SLC25A13: variants seen among roughly 807,000 people sequenced by gnomAD.
SLC25A13 encodes the protein electrogenic aspartate/glutamate antiporter SLC25A13, mitochondrial.
Under a neutral mutation model 85.5 loss-of-function variants are expected in SLC25A13, and 70 were observed. The ratio of observed to expected loss-of-function variants is 0.82; its 90% CI spans 0.68 to 1.00. The LOEUF (loss-of-function observed/expected upper bound fraction) is 1.00. Among genes scored for constraint, SLC25A13 ranks in the 50% least tolerant of loss-of-function variants. SLC25A13 has a pLI of 0.00. For synonymous variants in SLC25A13, 259 were observed against 288.7 expected (o/e 0.90, Z 1.04); for missense variants, 765 against 819.8 (o/e 0.93, Z 0.82).
In SLC25A13 at chr7:96,140,694, C is replaced by T. The variant is rs1251012147; in HGVS notation, c.1452+5862G>A. On this transcript the variant is annotated intron_variant, in intron 14 of 17. Transcript: ENST00000265631. Reference sequence around the variant, plus strand: ...CTGGGATTACAGGCGTCAGGCACCGCGCCTGGCCTACCACCAAAGATTTCA... The same window carrying T: ...CTGGGATTACAGGCGTCAGGCACCGTGCCTGGCCTACCACCAAAGATTTCA... Among the ~76,000 whole-genome samples the T allele has an allele frequency of 7.2e-5, 11 of 152,012 alleles. No homozygotes were observed. In the East Asian group the frequency reaches 7.7e-4, roughly 11 times the overall value.
chr7:96,211,885 G>A (rs1795711265), intron 4 of SLC25A13, among the ~76,000 whole-genome samples: 1 of 152,154 alleles, frequency 6.6e-6, no homozygotes, highest in Non-Finnish European at 1.5e-5. Context: ...TTGAGGGGCT[G>A]AAAAAACTGC....
chr7:96,235,908 C>G (rs1025021837), intron 3 of SLC25A13, among the ~76,000 whole-genome samples: 2 of 152,130 alleles, frequency 1.3e-5, no homozygotes, highest in Non-Finnish European at 2.9e-5. Flanking sequence ...TCCATAAAAG[C>G]TTTCCTAGAT....
intron 13 of SLC25A13, among the ~76,000 whole-genome samples, chr7:96,161,044 C>T (rs1209552518): frequency 6.7e-6 from 1 of 148,282 alleles, no homozygotes; most frequent in African/African-American, 2.5e-5. Context: ...ATGATTCCTT[C>T]ATGACTCTGA....
chr7:96,236,656 C>T (rs1796754960), intron 3 of SLC25A13, among the ~76,000 whole-genome samples: 1 of 152,110 alleles, frequency 6.6e-6, no homozygotes, highest in Admixed American at 6.5e-5. Flanking sequence ...TTAGGCAAAA[C>T]AACTGGCTTC....
intron 4 of SLC25A13, among the ~76,000 whole-genome samples, chr7:96,218,038 G>C (rs1795965958): frequency 6.6e-6 from 1 of 152,038 alleles, no homozygotes; most frequent in South Asian, 2.1e-4. Flanking sequence ...AGTTTTTCTG[G>C]AGTTAAGCAT....
intron 1 of SLC25A13, among the ~76,000 whole-genome samples, chr7:96,317,322 T>G (rs1022245631): frequency 3.3e-5 from 5 of 151,956 alleles, no homozygotes; most frequent in Admixed American, 2.0e-4. Context: ...AGAGCCTTCA[T>G]CTATAAAAAA....
chr7:96,131,934 A>G, intron 14 of SLC25A13, 53 bp from the exon 15 acceptor site: 1 of 1,612,118 alleles, frequency 6.2e-7, no homozygotes, highest in Non-Finnish European at 8.5e-7. Flanking sequence ...CCCATTGAGG[A>G]GATCAAGCTT....
intron 13 of SLC25A13, among the ~76,000 whole-genome samples, chr7:96,153,221 G>C (rs189797703): frequency 6.6e-6 from 1 of 152,288 alleles, no homozygotes; most frequent in East Asian, 1.9e-4. Flanking sequence ...TACTATTTAT[G>C]CTTTGGAGAT....
chr7:96,136,493 G>C (rs918318094), intron 14 of SLC25A13, among the ~76,000 whole-genome samples: 2 of 152,032 alleles, frequency 1.3e-5, no homozygotes, highest in Non-Finnish European at 2.9e-5. Context: ...TCTTTCTCTC[G>C]CACGCATGCT....
chr7:96,209,906 CCTG>C (rs1456491260), intron 4 of SLC25A13, among the ~76,000 whole-genome samples: 1 of 152,098 alleles, frequency 6.6e-6, no homozygotes, highest in Non-Finnish European at 1.5e-5. Flanking sequence ...ATCTACCAAA[CCTG>C]CTCATTTCTA....
intron 1 of SLC25A13, among the ~76,000 whole-genome samples, chr7:96,303,989 T>TGATA (rs1799647285): frequency 6.6e-6 from 1 of 152,138 alleles, no homozygotes; most frequent in Non-Finnish European, 1.5e-5. Context: ...GAGCCCTGAC[T>TGATA]GATACAATCA....
At chr7:96,165,074 A>G (rs1019949145) in intron 13 of SLC25A13, among the ~76,000 whole-genome samples, 2 of 152,240 alleles carry the variant, frequency 1.3e-5, no homozygotes, top group African/African-American at 2.4e-5. Context: ...AAGAGTCTAC[A>G]GGTTACCATG....
chr7:96,271,964 C>T (rs1798254945), intron 3 of SLC25A13, among the ~76,000 whole-genome samples: 1 of 152,112 alleles, frequency 6.6e-6, no homozygotes, highest in Non-Finnish European at 1.5e-5. Flanking sequence ...TGGCTCACTG[C>T]AGCCTCCAGC....
intron 15 of SLC25A13, among the ~76,000 whole-genome samples, chr7:96,122,541 T>TA (rs1410507331): frequency 4.6e-5 from 7 of 151,860 alleles, no homozygotes; most frequent in African/African-American, 1.7e-4. Context: ...TACTGATATC[T>TA]AAAAAACACT....
chr7:96,255,987 T>C (rs1227480056), intron 3 of SLC25A13, among the ~76,000 whole-genome samples: 1 of 151,956 alleles, frequency 6.6e-6, no homozygotes, highest in Non-Finnish European at 1.5e-5. Context: ...GCTTCATAAG[T>C]GAAGGAGAAA....
intron 15 of SLC25A13, 77 bp downstream of exon 15, chr7:96,131,666 C>T (rs1483438989): frequency 1.2e-6 from 2 of 1,601,440 alleles, no homozygotes; most frequent in Middle Eastern, 2.0e-4. Flanking sequence ...AAAAAAATTT[C>T]AATGTAGTAG....
intron 13 of SLC25A13, 72 bp downstream of exon 13, chr7:96,169,973 C>T (rs1351062551): frequency 4.8e-6 from 7 of 1,447,138 alleles, no homozygotes; most frequent in African/African-American, 4.2e-5. Flanking sequence ...TTAGTCCACA[C>T]CTGTTGACCA....
chr7:96,196,547 G>A (rs1795070553), intron 5 of SLC25A13, among the ~76,000 whole-genome samples: 1 of 152,190 alleles, frequency 6.6e-6, no homozygotes, highest in Non-Finnish European at 1.5e-5. Flanking sequence ...TTAGGACAGT[G>A]TTACAACACA....
At position 96,189,629 on chromosome 7, in the gene SLC25A13, A is replaced by G. The variant is rs1416436295; in HGVS notation, c.800T>C (p.Met267Thr). Reference protein sequence around the residue: ...AAQKFGQVTPMEVDILFQLAD... With the variant: ...AAQKFGQVTPTEVDILFQLAD... ...TAACTGAAACAAGATGTCAACTTCC[A>G]TGGGTGTAACCTGACCAAATTTCTG... Residue 267 changes from methionine (M) to threonine (T), a missense_variant, in exon 8 of 18, where the codon ATG becomes ACG. Coordinates refer to ENST00000265631, the MANE Select transcript of SLC25A13 (RefSeq NM_014251.3). The G allele has an allele frequency of 6.8e-6, 11 of 1,613,516 alleles. No individual in the cohort carries two copies. Among genetic ancestry groups the G allele is most frequent in the Non-Finnish European group, 9.3e-6 (11 of 1,179,964 alleles).
Sources: gnomAD v4.1 joint callset for allele counts (sites outside exome capture counted in the v4.1 genomes callset) on GRCh38, gnomAD v4.1.1 for gene constraint, MANE v1.5 for transcripts, NCBI Gene and HGNC (gene_info 2026-07-23, HGNC 2026-07-21) for gene names.